Variants in XRCC5 observed in about 807,000 individuals in gnomAD.
XRCC5 encodes the protein DNA repair protein Ku80.
XRCC5 carries 12 observed loss-of-function variants against 95.7 expected under a neutral mutation model. The ratio of observed to expected loss-of-function variants is 0.13; its 90% confidence interval spans 0.08 to 0.20. XRCC5 has a LOEUF of 0.20. Among genes scored for constraint, XRCC5 ranks in the 10% least tolerant of loss-of-function variants. The pLI is 1.00. For missense variants in XRCC5, 595 were observed against 873.9 expected (o/e 0.68, Z 4.02); for synonymous variants, 281 against 290.3 (o/e 0.97, Z 0.33).
chr2:216,136,367 A>G lies in XRCC5; in HGVS notation c.1114-721A>G, dbSNP rs12470915. On this transcript the variant is annotated intron_variant, in intron 10 of 20. Transcript: ENST00000392132. ...GCGAAACTGTGTCTCAAAAAAAAAA[A>G]AAAAGAAATAAAAGAATGTACAGAT... Among the ~76,000 whole-genome samples, 5 of 143,208 alleles carry G rather than the reference A, an allele frequency of 3.5e-5. 1 individual carries two copies. The highest frequency in any genetic ancestry group is 2.2e-4 in the South Asian group (1 of 4,648). 94.0% of individuals were successfully genotyped at this position (143,208 alleles called of 152,430 possible). A position where few individuals can be genotyped will look rare whatever the true frequency, so the allele number is the denominator to read the frequency against.
chr2:216,187,790 C>CAT (rs1689524496), intron 16 of XRCC5, among the ~76,000 whole-genome samples: 2 of 61,620 alleles, frequency 3.2e-5, no homozygotes, highest in African/African-American at 2.2e-4. Flanking sequence ...ACTCCTGACA[C>CAT]ACACACACAC....
Position 216,205,724 on chromosome 2 carries a change from G to A in XRCC5, c.*522G>A, listed in dbSNP as rs916988798. 1 of 154,456 alleles carries A rather than the reference G, an allele frequency of 6.5e-6. No homozygotes were observed. Among genetic ancestry groups the A allele is most frequent in the Non-Finnish European group, 1.4e-5 (1 of 69,648 alleles). The allele number at this position is 154,456 out of a possible 1,614,324, so 9.6% of individuals were successfully genotyped here. On this transcript the variant is annotated 3_prime_UTR_variant, in exon 21 of 21. Coordinates refer to ENST00000392132, the MANE Select transcript of XRCC5 (RefSeq NM_021141.4). ...CTGGGTTAGGAAAACCATGGGTAAG[G>A]ACGGACTCACTTCTCTTTTTAGTTG...
chr2:216,167,626 T>C (rs72954604), intron 16 of XRCC5, among the ~76,000 whole-genome samples: 2 of 150,208 alleles, frequency 1.3e-5, no homozygotes, highest in African/African-American at 4.9e-5. Flanking sequence ...TTTTTTTTAA[T>C]TGATCCTGAT....
At chr2:216,149,046 C>T (rs886471615) in intron 14 of XRCC5, among the ~76,000 whole-genome samples, 13 of 152,186 alleles carry the variant, frequency 8.5e-5, no homozygotes, top group Admixed American at 6.5e-4. Flanking sequence ...TTTCTTTTGG[C>T]TGTATTTTGA....
chr2:216,118,926 CATTT>C, intron 4 of XRCC5, 113 bp from the exon 5 acceptor site: 1 of 1,075,250 alleles, frequency 9.3e-7, no homozygotes, highest in Non-Finnish European at 1.4e-6. Context: ...AATGTAATCA[CATTT>C]ATTAACTCTA....
intron 16 of XRCC5, among the ~76,000 whole-genome samples, chr2:216,177,277 T>C (rs999175223): frequency 2.0e-5 from 3 of 152,236 alleles, no homozygotes; most frequent in African/African-American, 7.2e-5. Flanking sequence ...TTTTGAGTAT[T>C]GAAAGTTATT....
chr2:216,117,701 C>T, intron 3 of XRCC5, 45 bp from the exon 4 acceptor site: 1 of 1,600,052 alleles, frequency 6.2e-7, no homozygotes, highest in African/African-American at 1.3e-5. Context: ...TGCGTGTTCA[C>T]ATGAAGAGAC....
At chr2:216,131,299 T>C (rs1446582953) in intron 9 of XRCC5, 7 of 978,780 alleles carry the variant, frequency 7.2e-6, no homozygotes, top group Non-Finnish European at 8.5e-6. Context: ...TTCAGTCTTC[T>C]TGAGCTGGTA....
chr2:216,160,771 G>A (rs1469470711), intron 15 of XRCC5, among the ~76,000 whole-genome samples: 1 of 152,042 alleles, frequency 6.6e-6, no homozygotes, highest in African/African-American at 2.4e-5. Flanking sequence ...CCACGCCGGA[G>A]TACAGTAGTG....
chr2:216,123,461 T>C (rs1260633054), intron 6 of XRCC5, among the ~76,000 whole-genome samples: 1 of 152,214 alleles, frequency 6.6e-6, no homozygotes, highest in East Asian at 1.9e-4. Flanking sequence ...TGTTTCTCTT[T>C]CAAATTTTGG....
chr2:216,134,263 G>A (rs1228495942), intron 10 of XRCC5, among the ~76,000 whole-genome samples: 1 of 152,104 alleles, frequency 6.6e-6, no homozygotes, highest in Non-Finnish European at 1.5e-5. Context: ...ATAATTTTTT[G>A]TATTGAGAAT....
At chr2:216,149,035 A>G (rs1688694302) in intron 14 of XRCC5, among the ~76,000 whole-genome samples, 1 of 152,118 alleles carries the variant, frequency 6.6e-6, no homozygotes, top group African/African-American at 2.4e-5. Flanking sequence ...TAATCTATAC[A>G]TTTCTTTTGG....
intron 16 of XRCC5, chr2:216,175,126 C>A: frequency 2.9e-6 from 1 of 344,684 alleles, no homozygotes; most frequent in South Asian, 2.7e-5. Context: ...ACCACTATCC[C>A]CATACCCGCC....
chr2:216,162,259 A>C (rs55887126), intron 16 of XRCC5, among the ~76,000 whole-genome samples: 24 of 152,204 alleles, frequency 1.6e-4, no homozygotes, highest in African/African-American at 5.5e-4. Context: ...AAAGGAACTA[A>C]TTTGTAGGTC....
intron 16 of XRCC5, among the ~76,000 whole-genome samples, chr2:216,183,160 C>T (rs552112779): frequency 4.3e-4 from 66 of 152,298 alleles, no homozygotes; most frequent in African/African-American, 1.6e-3. Flanking sequence ...GCCAAGAGAC[C>T]TTCCATATCA....
chr2:216,129,738 A>G (rs71430217), intron 8 of XRCC5, among the ~76,000 whole-genome samples: 1,623 of 152,272 alleles, frequency 0.011, 17 homozygotes, highest in Non-Finnish European at 0.012. Context: ...CAGTGGTGTG[A>G]TCTCAGCTCA....
chr2:216,188,230 G>C (rs888566168), intron 16 of XRCC5, among the ~76,000 whole-genome samples: 1 of 152,116 alleles, frequency 6.6e-6, no homozygotes, highest in African/African-American at 2.4e-5. Context: ...ATGTTGATTT[G>C]TGAAGCTTTC....
At chr2:216,147,341 C>T (rs1176611307) in intron 13 of XRCC5, among the ~76,000 whole-genome samples, 1 of 152,018 alleles carries the variant, frequency 6.6e-6, no homozygotes, top group Non-Finnish European at 1.5e-5. Flanking sequence ...GCTGGTGATG[C>T]GATCGAGGAG....
intron 6 of XRCC5, among the ~76,000 whole-genome samples, chr2:216,123,700 A>C (rs1696857066): frequency 1.3e-5 from 2 of 152,062 alleles, no homozygotes; most frequent in Admixed American, 6.5e-5. Flanking sequence ...TAGCTACTTG[A>C]GAGGCTGAGG....
Sources: gnomAD v4.1 joint callset for allele counts (sites outside exome capture counted in the v4.1 genomes callset) on GRCh38, gnomAD v4.1.1 for gene constraint, MANE v1.5 for transcripts, NCBI Gene and HGNC (gene_info 2026-07-23, HGNC 2026-07-21) for gene names.